Variants in SLC26A7 observed in about 807,000 individuals in gnomAD.
SLC26A7 encodes anion exchange transporter.
In SLC26A7, 59 loss-of-function variants were observed where a neutral mutation model predicts 82.5. That is an observed-to-expected ratio of 0.72 (90% CI 0.58 to 0.89). The LOEUF (loss-of-function observed/expected upper bound fraction) is 0.89. Among genes scored for constraint, SLC26A7 ranks in the 40% least tolerant of loss-of-function variants. The pLI, the probability that SLC26A7 is intolerant of heterozygous loss-of-function variation, is 0.00. For missense variants in SLC26A7, 820 were observed against 793.0 expected, an observed-to-expected ratio of 1.03 and a Z score of -0.41; for synonymous variants, 271 against 274.3, an observed-to-expected ratio of 0.99 and a Z score of 0.12.
At chr8:91,318,012 A>G (rs1192169974) in intron 4 of SLC26A7, among the ~76,000 whole-genome samples, 1 of 150,440 alleles carries the variant, frequency 6.6e-6, no homozygotes, top group Non-Finnish European at 1.5e-5. Flanking sequence ...TTAAAAAAAA[A>G]AGAAACCTTT....
intron 13 of SLC26A7, among the ~76,000 whole-genome samples, chr8:91,364,903 T>C: frequency 6.6e-6 from 1 of 152,270 alleles, no homozygotes; most frequent in Non-Finnish European, 1.5e-5. Flanking sequence ...ATATTACATC[T>C]CTCTAATTAT....
intron 8 of SLC26A7, among the ~76,000 whole-genome samples, chr8:91,341,685 G>T (rs954746800): frequency 9.9e-5 from 15 of 152,122 alleles, no homozygotes; most frequent in Non-Finnish European, 2.1e-4. Context: ...CTTCCCAGTT[G>T]CTTCTGGTCA....
intron 8 of SLC26A7, among the ~76,000 whole-genome samples, chr8:91,340,975 A>G (rs991398494): frequency 2.0e-5 from 3 of 147,506 alleles, no homozygotes; most frequent in East Asian, 2.0e-4. Context: ...ATACTTTTGC[A>G]TATGTCCTGT....
chr8:91,219,447 G>GA (rs1312167524), intron 2 of SLC26A7, among the ~76,000 whole-genome samples: 2 of 152,030 alleles, frequency 1.3e-5, no homozygotes, highest in South Asian at 2.1e-4. Context: ...GACCTTCACA[G>GA]AAAAAATGAG....
In SLC26A7 at chr8:91,357,071, G is replaced by C. The variant is rs1018908279; in HGVS notation, c.1314+4075G>C. ...TTACTTAGGAGGTCAGATTGTAAGT[G>C]ATACAAATGGCCTTTCACTCTACAG... On this transcript the variant is annotated intron_variant, in intron 11 of 18. Transcript: ENST00000276609. Among the ~76,000 whole-genome samples the C allele has an allele frequency of 1.6e-4, 25 of 152,146 alleles. 1 individual carries two copies. The highest frequency in any genetic ancestry group is 5.8e-4 in the African/African-American group (24 of 41,428).
chr8:91,359,587 C>A (rs959609285), intron 11 of SLC26A7, among the ~76,000 whole-genome samples: 2 of 152,080 alleles, frequency 1.3e-5, no homozygotes, highest in Non-Finnish European at 2.9e-5. Flanking sequence ...ATATAGCAGG[C>A]GCATGATGAT....
chr8:91,312,641 CTGTG>C (rs56386837), intron 4 of SLC26A7, among the ~76,000 whole-genome samples: 79,114 of 149,386 alleles, frequency 0.53, 21,904 homozygotes, highest in South Asian at 0.65. Context: ...GTAGGTGTGT[CTGTG>C]TGTGTGTGTG....
chr8:91,351,673 A>C, intron 9 of SLC26A7, 137 bp from the exon 10 acceptor site: 1 of 630,484 alleles, frequency 1.6e-6, no homozygotes, highest in Non-Finnish European at 2.8e-6. Flanking sequence ...AGTCTAAGCA[A>C]TTTAACAGTT....
intron 2 of SLC26A7, among the ~76,000 whole-genome samples, chr8:91,261,285 A>G (rs2130716332): frequency 6.6e-6 from 1 of 152,308 alleles, no homozygotes; most frequent in African/African-American, 2.4e-5. Flanking sequence ...ACAACAATCC[A>G]GCCCACAAGG....
rs1808556702 is a variant in SLC26A7, at chr8:91,395,844, G to T, written c.*747G>T. 1 of 151,956 alleles carries T rather than the reference G, an allele frequency of 6.6e-6. No individual in the cohort carries two copies. The highest frequency in any genetic ancestry group is 1.5e-5 in the Non-Finnish European group (1 of 67,902). 9.4% of individuals were successfully genotyped at this position (151,956 alleles called of 1,614,324 possible). On this transcript the variant is annotated 3_prime_UTR_variant, in exon 19 of 19. Transcript: ENST00000276609. ...TTTTAACATTTCTACCCAATAAGAG[G>T]CTCTGTTTTCCACTGAAGCTTTGTT...
Position 91,388,629 on chromosome 8 carries a change from G to C in SLC26A7, c.1676-709G>C, listed in dbSNP as rs535394927. The stretch of plus-strand genomic sequence containing the variant: ...TGCTCTGAAAGCCACATCACTCCTC[G>C]GAGGGACCCCAAATGTGGCCTGTCA... On this transcript the variant is annotated intron_variant, in intron 15 of 18. Coordinates refer to ENST00000276609, the MANE Select transcript of SLC26A7 (RefSeq NM_052832.4). Among the ~76,000 whole-genome samples the C allele has an allele frequency of 7.2e-5, 11 of 152,214 alleles. No homozygotes were observed. In the East Asian group the frequency reaches 1.9e-3, roughly 27 times the overall value.
At chr8:91,394,485 A>G in intron 18 of SLC26A7, 2 of 1,338,000 alleles carry the variant, frequency 1.5e-6, no homozygotes, top group Non-Finnish European at 1.9e-6. Flanking sequence ...TGCTCACATG[A>G]TCTGAAGTGT....
chr8:91,339,294 C>T (rs1409969390), intron 7 of SLC26A7, among the ~76,000 whole-genome samples: 2 of 151,914 alleles, frequency 1.3e-5, no homozygotes, highest in Non-Finnish European at 2.9e-5. Context: ...AAAAAAGTCA[C>T]GCCACTCCTC....
chr8:91,394,919 G>A, intron 18 of SLC26A7, 143 bp from the exon 19 acceptor site: 3 of 993,532 alleles, frequency 3.0e-6, no homozygotes, highest in South Asian at 1.5e-5. Flanking sequence ...GCTTTGAACT[G>A]CTCTACTCTG....
intron 11 of SLC26A7, among the ~76,000 whole-genome samples, chr8:91,358,902 A>G (rs1164219246): frequency 6.6e-6 from 1 of 152,100 alleles, no homozygotes; most frequent in Non-Finnish European, 1.5e-5. Context: ...GGACACAGGA[A>G]GCGGAACATC....
chr8:91,294,510 G>A lies in SLC26A7; in HGVS notation c.305-1021G>A, dbSNP rs80194145. Among the ~76,000 whole-genome samples the A allele has an allele frequency of 5.0e-3, 762 of 152,198 alleles. 11 individuals are homozygous for A. The highest frequency in any genetic ancestry group is 0.017 in the African/African-American group (686 of 41,528). ...TCTTGCCTTATGCTGCTTTGTGCAT[G>A]GTTTGTGTTGGGTTGTCTACATGTT... On this transcript the variant is annotated intron_variant, in intron 3 of 18. Transcript: ENST00000276609.
In SLC26A7 at chr8:91,348,423, A is replaced by G. The variant is rs1813624501; in HGVS notation, c.1141-3387A>G. The G allele has an allele frequency of 3.4e-6, 3 of 890,672 alleles. No individual in the cohort carries two copies. The Admixed American group carries it at 1.9e-4, about 55-fold the overall frequency. 55.2% of individuals were successfully genotyped at this position (890,672 alleles called of 1,614,324 possible). On this transcript the variant is annotated intron_variant, in intron 9 of 18. Coordinates refer to ENST00000276609, the MANE Select transcript of SLC26A7 (RefSeq NM_052832.4). Reference sequence around the variant, plus strand: ...AGGTATGGATAATAAAAATGCATGTATGGTCATCTTTGTAACTAACATAGA... The same window carrying G: ...AGGTATGGATAATAAAAATGCATGTGTGGTCATCTTTGTAACTAACATAGA...
chr8:91,270,055 T>C (rs1811227405), intron 2 of SLC26A7, among the ~76,000 whole-genome samples: 1 of 152,206 alleles, frequency 6.6e-6, no homozygotes, highest in Admixed American at 6.5e-5. Context: ...TCTGAATTCT[T>C]TGTCAGCCAT....
At chr8:91,359,798 A>T (rs751154876) in intron 11 of SLC26A7, among the ~76,000 whole-genome samples, 1 of 152,166 alleles carries the variant, frequency 6.6e-6, no homozygotes, top group South Asian at 2.1e-4. Flanking sequence ...TAGGCTATAT[A>T]CCCAATACGT....
Sources: allele counts gnomAD v4.1 joint callset (sites outside exome capture counted in the v4.1 genomes callset), GRCh38; gene constraint gnomAD v4.1.1; transcripts MANE v1.5; gene names NCBI Gene and HGNC (gene_info 2026-07-23, HGNC 2026-07-21).